The following TAB2 variants were observed in gnomAD, a reference collection of about 807,000 sequenced individuals.
The protein encoded by TAB2 is TGF-beta activated kinase 1 (MAP3K7) binding protein 2.
In TAB2, 3 loss-of-function variants were observed where a neutral mutation model predicts 65.0. That is an observed-to-expected ratio of 0.05 (90% CI 0.02 to 0.12). The LOEUF is 0.12. Ranked by LOEUF, TAB2 falls within the 10% of genes least tolerant of loss-of-function variation. The pLI is 1.00. For synonymous variants in TAB2, 298 were observed against 285.1 expected, an observed-to-expected ratio of 1.05 and a Z score of -0.46; for missense variants, 623 against 840.3, an observed-to-expected ratio of 0.74 and a Z score of 3.20.
chr6:149,404,606 AGAG>A (rs1263332209), intron 6 of TAB2, among the ~76,000 whole-genome samples: 1 of 152,238 alleles, frequency 6.6e-6, no homozygotes, highest in Non-Finnish European at 1.5e-5. Context: ...GGAACAGAAT[AGAG>A]AGCCCAGAAA....
At chr6:149,267,484 ATTTGTTGT>A (rs1389935597) in intron 1 of TAB2, among the ~76,000 whole-genome samples, 6 of 152,292 alleles carry the variant, frequency 3.9e-5, no homozygotes, top group Admixed American at 3.9e-4. Context: ...ATATTTAGAT[ATTTGTTGT>A]TCATTGCCTC....
chr6:149,269,412 T>A (rs1446092557), intron 1 of TAB2, among the ~76,000 whole-genome samples: 3 of 152,196 alleles, frequency 2.0e-5, no homozygotes, highest in Non-Finnish European at 4.4e-5. Context: ...ATATTATTCT[T>A]TTTTCCTTTT....
intron 1 of TAB2, among the ~76,000 whole-genome samples, chr6:149,306,410 T>A (rs551983): frequency 2.0e-5 from 3 of 150,980 alleles, no homozygotes; most frequent in Non-Finnish European, 3.0e-5. Flanking sequence ...ATTAGCAGGG[T>A]GTGGTGGCGG....
chr6:149,269,978 C>A (rs147380594), intron 1 of TAB2, among the ~76,000 whole-genome samples: 1 of 152,284 alleles, frequency 6.6e-6, no homozygotes, highest in East Asian at 1.9e-4. Context: ...ATTGCTGGGT[C>A]CTACAGCAAG....
At chr6:149,266,969 G>A (rs939148325) in intron 1 of TAB2, among the ~76,000 whole-genome samples, 1 of 152,182 alleles carries the variant, frequency 6.6e-6, no homozygotes, top group African/African-American at 2.4e-5. Flanking sequence ...CCCTAGGGCT[G>A]GGGGAGCAAA....
chr6:149,255,406 T>C (rs952863623), intron 1 of TAB2: 9 of 152,172 alleles, frequency 5.9e-5, no homozygotes, highest in African/African-American at 1.9e-4. Context: ...CAATCAAATA[T>C]ATGAAAAAGG....
intron 6 of TAB2, among the ~76,000 whole-genome samples, chr6:149,403,895 C>T (rs1427595328): frequency 6.6e-6 from 1 of 152,042 alleles, no homozygotes; most frequent in African/African-American, 2.4e-5. Flanking sequence ...ACCCAGACAC[C>T]TCCCACCAAG....
chr6:149,331,314 A>G (rs986139914), intron 1 of TAB2, among the ~76,000 whole-genome samples: 1 of 152,152 alleles, frequency 6.6e-6, no homozygotes, highest in African/African-American at 2.4e-5. Context: ...ATTTTTTAGA[A>G]CAATTGTAAG....
chr6:149,247,975 T>C (rs1447502455), intron 1 of TAB2: 1 of 152,218 alleles, frequency 6.6e-6, no homozygotes, highest in African/African-American at 2.4e-5. Context: ...ACTTAAAAGC[T>C]AGATGGTGGG....
At chr6:149,323,668 C>G (rs569950210) in intron 1 of TAB2, among the ~76,000 whole-genome samples, 60 of 152,290 alleles carry the variant, frequency 3.9e-4, no homozygotes, top group African/African-American at 1.1e-3. Context: ...AAGTTATCCT[C>G]TACCTAAAGA....
chr6:149,321,204 C>A (rs540190344), intron 1 of TAB2: 70 of 152,224 alleles, frequency 4.6e-4, no homozygotes, highest in African/African-American at 1.6e-3. Flanking sequence ...TTAAAACCCT[C>A]TGTATTAAAA....
At chr6:149,277,093 T>G (rs1271034753) in intron 1 of TAB2, among the ~76,000 whole-genome samples, 1 of 152,230 alleles carries the variant, frequency 6.6e-6, no homozygotes, top group Non-Finnish European at 1.5e-5. Flanking sequence ...CCTTGCCTTC[T>G]ACCGTGATTG....
At chr6:149,248,455 A>AGGAAGGAAGGAAG (rs1777782503) in intron 1 of TAB2, among the ~76,000 whole-genome samples, 3 of 56,602 alleles carry the variant, frequency 5.3e-5, no homozygotes, top group African/African-American at 1.9e-4. Flanking sequence ...AAGGAAGAAA[A>AGGAAGGAAGGAAG]GAAGGAAGGA....
chr6:149,295,907 G>T (rs1168114129), intron 1 of TAB2, among the ~76,000 whole-genome samples: 1 of 152,134 alleles, frequency 6.6e-6, no homozygotes, highest in Non-Finnish European at 1.5e-5. Context: ...GAGCAGCTGG[G>T]ACTACAGGCG....
intron 1 of TAB2, among the ~76,000 whole-genome samples, chr6:149,292,991 A>T (rs1778804198): frequency 6.6e-6 from 1 of 152,156 alleles, no homozygotes; most frequent in African/African-American, 2.4e-5. Context: ...TATCTTCACT[A>T]GTTTTCCTGA....
chr6:149,288,404 T>C (rs542437144), intron 1 of TAB2, among the ~76,000 whole-genome samples: 2 of 152,316 alleles, frequency 1.3e-5, no homozygotes, highest in South Asian at 4.1e-4. Flanking sequence ...ACATTGCTCC[T>C]CTGTGGCCCC....
chr6:149,375,015 T>C (rs1781354891), intron 2 of TAB2, among the ~76,000 whole-genome samples: 1 of 152,252 alleles, frequency 6.6e-6, no homozygotes, highest in African/African-American at 2.4e-5. Flanking sequence ...ATTTTTATGC[T>C]TTAATTTAGT....
intron 1 of TAB2, among the ~76,000 whole-genome samples, chr6:149,325,799 G>C (rs1779598620): frequency 6.6e-6 from 1 of 152,158 alleles, no homozygotes; most frequent in Admixed American, 6.5e-5. Context: ...GAATGCAGTG[G>C]CACAACCACA....
At chr6:149,403,221 C>T (rs1229150953) in intron 6 of TAB2, among the ~76,000 whole-genome samples, 6 of 113,314 alleles carry the variant, frequency 5.3e-5, no homozygotes, top group East Asian at 2.8e-4. Context: ...GCAACGGGAG[C>T]GAAACTCTTG....
Sources: allele counts gnomAD v4.1 joint callset (sites outside exome capture counted in the v4.1 genomes callset), GRCh38; gene constraint gnomAD v4.1.1; transcripts MANE v1.5; gene names NCBI Gene and HGNC (gene_info 2026-07-23, HGNC 2026-07-21).